Variants in DSCAML1 observed in about 807,000 individuals in gnomAD.
The protein encoded by DSCAML1 is DS cell adhesion molecule like 1.
Under a neutral mutation model 200.5 loss-of-function variants are expected in DSCAML1, and 38 were observed. That is an observed-to-expected ratio of 0.19 (90% CI 0.15 to 0.25). The LOEUF (loss-of-function observed/expected upper bound fraction) is 0.25, where lower values mean the gene tolerates loss of function less well. Among genes scored for constraint, DSCAML1 ranks in the 10% least tolerant of loss-of-function variants. The probability of loss-of-function intolerance (pLI) is 1.00; values close to 1 mark genes in which losing one functional copy is unlikely to be tolerated. For synonymous variants in DSCAML1, 1,215 were observed against 1,165.0 expected (o/e 1.04, Z -0.87); for missense variants, 2,223 against 2,858.8 (o/e 0.78, Z 5.07).
intron 3 of DSCAML1, among the ~76,000 whole-genome samples, chr11:117,571,759 A>T (rs552687033): frequency 1.4e-4 from 21 of 152,304 alleles, no homozygotes; most frequent in African/African-American, 4.6e-4. Context: ...GCTGATACCT[A>T]CTGGGCTGCA....
chr11:117,503,673 T>C lies in DSCAML1; in HGVS notation c.2359+172A>G, dbSNP rs545596765. On this transcript the variant is annotated intron_variant, in intron 11 of 32. Transcript: ENST00000651296. This position sits in a 1 kb window ranked among gnomAD's most constrained non-coding sequence, Gnocchi z 5.2. ...GTGAGGCCGCTGTTTTAGATGACAGTGCTTTTGAATGCCCCATCCAAGGGT... is the reference window on the plus strand; with the variant it reads ...GTGAGGCCGCTGTTTTAGATGACAGCGCTTTTGAATGCCCCATCCAAGGGT... 3.2e-3 allele frequency among the ~76,000 whole-genome samples: 488 copies of C among 152,140 alleles called. 3 individuals carry two copies. Among genetic ancestry groups the C allele is most frequent in the African/African-American group, 0.011 (467 of 41,488 alleles).
chr11:117,724,438 G>C (rs1470855808), intron 3 of DSCAML1, among the ~76,000 whole-genome samples: 1 of 152,214 alleles, frequency 6.6e-6, no homozygotes, highest in East Asian at 1.9e-4. Flanking sequence ...GAGGCACCCT[G>C]CCTGGAGCTA....
At chr11:117,649,765 A>G (rs1049451779) in intron 3 of DSCAML1, among the ~76,000 whole-genome samples, 1 of 152,104 alleles carries the variant, frequency 6.6e-6, no homozygotes, top group Non-Finnish European at 1.5e-5. Context: ...CCTGTTCTCA[A>G]CCTACCTTTC....
chr11:117,755,371 T>C (rs540381101), intron 3 of DSCAML1, among the ~76,000 whole-genome samples: 1 of 152,276 alleles, frequency 6.6e-6, no homozygotes, highest in Admixed American at 6.5e-5. Flanking sequence ...AGGCTCCTGG[T>C]TGAGGTGAGG....
At chr11:117,527,404 G>A (rs1284897725) in intron 4 of DSCAML1, among the ~76,000 whole-genome samples, 6 of 152,160 alleles carry the variant, frequency 3.9e-5, no homozygotes, top group South Asian at 2.1e-4. Flanking sequence ...TCAAGGCAGC[G>A]TTAAACCGCT....
chr11:117,623,216 C>CTTTTTTTTTTTTTTTTTTTTTTT (rs56343852), intron 3 of DSCAML1, among the ~76,000 whole-genome samples: 1 of 121,112 alleles, frequency 8.3e-6, no homozygotes, highest in Non-Finnish European at 1.6e-5. Context: ...CTTTTCTTTT[C>CTTTTTTTTTTTTTTTTTTTTTTT]TTTTTTTTTT....
chr11:117,617,365 C>T lies in DSCAML1; in HGVS notation c.512-84843G>A, dbSNP rs11216471. Among the ~76,000 whole-genome samples, 1,475 of 152,270 alleles carry T rather than the reference C, an allele frequency of 9.7e-3. 3 individuals carry two copies. Among genetic ancestry groups the T allele is most frequent in the Middle Eastern group, 0.031 (9 of 294 alleles). On this transcript the variant is annotated intron_variant, in intron 3 of 32. Coordinates refer to ENST00000651296, the MANE Select transcript of DSCAML1 (RefSeq NM_020693.4). ...GGCCAACTGAGAGAAAACCCAGCCC[C>T]GCTCAGTATGCATGTTGTGGTATTT...
intron 3 of DSCAML1, among the ~76,000 whole-genome samples, chr11:117,726,423 A>G (rs915181510): frequency 6.6e-6 from 1 of 152,120 alleles, no homozygotes; most frequent in African/African-American, 2.4e-5. Flanking sequence ...CCCTTAGGTA[A>G]CATTTATATT....
At chr11:117,432,583 T>C (rs1378867051) in intron 29 of DSCAML1, 79 bp from the exon 30 acceptor site, 22 of 1,467,764 alleles carry the variant, frequency 1.5e-5, no homozygotes, top group Non-Finnish European at 2.0e-5. Flanking sequence ...GAATTTCTCT[T>C]TGTCTTTATC....
At chr11:117,617,295 G>C (rs145749713) in intron 3 of DSCAML1, among the ~76,000 whole-genome samples, 1 of 152,192 alleles carries the variant, frequency 6.6e-6, no homozygotes, top group East Asian at 1.9e-4. Flanking sequence ...AAGCTGGGCC[G>C]GGCTGGGAAG....
chr11:117,535,452 A>G (rs1225989460), intron 3 of DSCAML1, among the ~76,000 whole-genome samples: 3 of 151,964 alleles, frequency 2.0e-5, no homozygotes, highest in African/African-American at 7.3e-5. Context: ...CAGCACACAG[A>G]CCACAGCCGG....
chr11:117,664,855 C>T (rs1043256798), intron 3 of DSCAML1, among the ~76,000 whole-genome samples: 2 of 152,334 alleles, frequency 1.3e-5, no homozygotes, highest in East Asian at 3.9e-4. Context: ...CTGGCTTTGC[C>T]TTAGCTGAAC....
intron 11 of DSCAML1, among the ~76,000 whole-genome samples, chr11:117,485,981 C>T (rs2049040191): frequency 6.6e-6 from 1 of 152,244 alleles, no homozygotes; most frequent in Non-Finnish European, 1.5e-5. Flanking sequence ...CAGAACCCCA[C>T]TGGGCTGGTA....
At chr11:117,777,096 T>C (rs1408139486) in intron 2 of DSCAML1, among the ~76,000 whole-genome samples, 159 bp from the exon 3 acceptor site, 3 of 152,134 alleles carry the variant, frequency 2.0e-5, no homozygotes, top group Non-Finnish European at 4.4e-5. Context: ...TAGAAGCCCC[T>C]GCCATGATCT....
At chr11:117,428,974 A>G (rs917238133) in intron 32 of DSCAML1, among the ~76,000 whole-genome samples, 171 bp from the exon 33 acceptor site, 4 of 152,078 alleles carry the variant, frequency 2.6e-5, no homozygotes, top group Non-Finnish European at 5.9e-5. Context: ...GGCCCTTCTG[A>G]GCCTTCGTTT....
chr11:117,581,352 C>A (rs181944308), intron 3 of DSCAML1, among the ~76,000 whole-genome samples: 96 of 152,238 alleles, frequency 6.3e-4, no homozygotes, highest in South Asian at 1.5e-3. Context: ...AAATCTCACC[C>A]ATTTTAGTGT....
chr11:117,435,303 A>C (rs1489608712), intron 27 of DSCAML1, among the ~76,000 whole-genome samples: 3 of 152,210 alleles, frequency 2.0e-5, no homozygotes, highest in Non-Finnish European at 4.4e-5. Flanking sequence ...GGATCCCGTG[A>C]GAGGGGATGA....
At chr11:117,488,988 C>T (rs2049136274) in intron 11 of DSCAML1, among the ~76,000 whole-genome samples, 1 of 152,262 alleles carries the variant, frequency 6.6e-6, no homozygotes, top group South Asian at 2.1e-4. Context: ...ATGCCTCTGC[C>T]TTTTGGCCTG....
At chr11:117,697,534 C>T (rs950316629) in intron 3 of DSCAML1, among the ~76,000 whole-genome samples, 2 of 152,106 alleles carry the variant, frequency 1.3e-5, no homozygotes, top group African/African-American at 2.4e-5. Context: ...CATCGTTATC[C>T]ATTTCCAGAA....
Sources: gnomAD v4.1 joint callset for allele counts (sites outside exome capture counted in the v4.1 genomes callset) on GRCh38, gnomAD v4.1.1 for gene constraint, Gnocchi (gnomAD v3.1) non-coding constraint, MANE v1.5 for transcripts, NCBI Gene and HGNC (gene_info 2026-07-23, HGNC 2026-07-21) for gene names.